Variants in CNBD1 observed in about 807,000 individuals in gnomAD.
CNBD1 encodes cyclic nucleotide binding domain containing 1.
In CNBD1, 71 loss-of-function variants were observed where a neutral mutation model predicts 54.4. That is an observed-to-expected ratio of 1.30 (90% CI 1.08 to 1.59). The LOEUF is 1.59. Ranked by LOEUF, CNBD1 falls within the 40% of genes most tolerant of loss-of-function variation. The pLI is 0.00. For synonymous variants in CNBD1, 182 were observed against 170.7 expected (o/e 1.07, Z -0.51); for missense variants, 659 against 518.0 (o/e 1.27, Z -2.64).
chr8:87,080,035 A>G (rs920909394), intron 4 of CNBD1, among the ~76,000 whole-genome samples: 2 of 152,126 alleles, frequency 1.3e-5, no homozygotes, highest in Middle Eastern at 3.2e-3. Flanking sequence ...ATTGATATTC[A>G]TTAGTTCCAA....
At chr8:87,378,871 T>A (rs1157928222) in intron 10 of CNBD1, among the ~76,000 whole-genome samples, 2 of 149,600 alleles carry the variant, frequency 1.3e-5, no homozygotes. Flanking sequence ...GTCCTTCATA[T>A]CCCTTGTAAG....
chr8:86,887,700 T>A, intron 2 of CNBD1, 89 bp downstream of exon 2: 1 of 916,532 alleles, frequency 1.1e-6, no homozygotes, highest in South Asian at 1.7e-5. Context: ...AAACCATTGC[T>A]GGCTCTCAGA....
intron 1 of CNBD1, among the ~76,000 whole-genome samples, chr8:86,873,417 T>TA (rs1808470206): frequency 6.6e-6 from 1 of 151,868 alleles, no homozygotes; most frequent in Non-Finnish European, 1.5e-5. Flanking sequence ...CTGTTTTTTT[T>TA]AAAAAAGGAT....
intron 2 of CNBD1, among the ~76,000 whole-genome samples, chr8:87,398,922 A>G (rs564034578): frequency 3.9e-4 from 60 of 152,188 alleles, no homozygotes; most frequent in African/African-American, 1.3e-3. Context: ...TCCTGTGAAG[A>G]AAATTATCCC....
chr8:87,401,960 G>A, intron 2 of CNBD1, among the ~76,000 whole-genome samples: 1 of 151,910 alleles, frequency 6.6e-6, no homozygotes, highest in Non-Finnish European at 1.5e-5. Context: ...TTCAAGGAAG[G>A]TGTATTAGTT....
At chr8:86,972,014 A>G (rs540339663) in intron 4 of CNBD1, among the ~76,000 whole-genome samples, 290 of 151,870 alleles carry the variant, frequency 1.9e-3, no homozygotes, top group African/African-American at 6.7e-3. Context: ...GTGCAGTGGC[A>G]TGATCTCGGC....
intron 2 of CNBD1, among the ~76,000 whole-genome samples, chr8:87,422,246 T>A (rs1174163719): frequency 0.011 from 1,575 of 145,518 alleles, 32 homozygotes; most frequent in African/African-American, 0.038. Flanking sequence ...CTGATGGTAG[T>A]TTCTTTTGCT....
intron 9 of CNBD1, among the ~76,000 whole-genome samples, chr8:87,352,416 G>A (rs1237837782): frequency 2.1e-5 from 3 of 144,884 alleles, no homozygotes; most frequent in Non-Finnish European, 3.0e-5. Flanking sequence ...GAAGGCGGAG[G>A]TTGCAGTGAG....
intron 4 of CNBD1, among the ~76,000 whole-genome samples, chr8:87,119,484 A>T (rs1292033081): frequency 6.6e-6 from 1 of 151,960 alleles, no homozygotes; most frequent in African/African-American, 2.4e-5. Flanking sequence ...TTTTTGGTGG[A>T]GTCTTTGGAT....
rs186557266 is a variant in CNBD1 at position 86,903,789 on chromosome 8, C to A, written c.159-1292C>A. Among the ~76,000 whole-genome samples, 6 of 151,452 alleles carry A rather than the reference C, an allele frequency of 4.0e-5. No individual in the cohort carries two copies. The East Asian group carries it at 1.2e-3, about 29-fold the overall frequency. On this transcript the variant is annotated intron_variant, in intron 2 of 10. Coordinates refer to ENST00000518476, the MANE Select transcript of CNBD1 (RefSeq NM_173538.3). ...TGTAAAAGATCTTAGTACAATGATT[C>A]GAATATAACAAGTATCCAGTGAAAA... is the stretch of plus-strand genomic sequence containing the variant.
chr8:87,356,526 T>C (rs1810423537), intron 10 of CNBD1, among the ~76,000 whole-genome samples: 1 of 152,150 alleles, frequency 6.6e-6, no homozygotes, highest in Non-Finnish European at 1.5e-5. Flanking sequence ...AGTGGTGACC[T>C]AGGGTATCTG....
At chr8:87,338,493 G>C (rs1048927180) in intron 8 of CNBD1, among the ~76,000 whole-genome samples, 1 of 151,412 alleles carries the variant, frequency 6.6e-6, no homozygotes. Context: ...GTTTTGTTTT[G>C]TTTTTCAACA....
intron 4 of CNBD1, among the ~76,000 whole-genome samples, chr8:87,064,426 T>C (rs1050338896): frequency 9.2e-5 from 14 of 152,002 alleles, no homozygotes; most frequent in Admixed American, 9.2e-4. Context: ...GAATTGATAC[T>C]TTTATTTTCT....
intron 8 of CNBD1, among the ~76,000 whole-genome samples, chr8:87,322,484 A>T (rs1273063947): frequency 2.5e-5 from 3 of 121,876 alleles, no homozygotes; most frequent in African/African-American, 9.2e-5. Context: ...TGACTTTTTA[A>T]TGATTGCCAT....
At chr8:87,099,202 G>A (rs1811381976) in intron 4 of CNBD1, among the ~76,000 whole-genome samples, 1 of 151,992 alleles carries the variant, frequency 6.6e-6, no homozygotes, top group African/African-American at 2.4e-5. Context: ...ATGGAGAAAG[G>A]CTAGGGGTTT....
At chr8:87,212,382 T>G (rs1166108103) in intron 5 of CNBD1, among the ~76,000 whole-genome samples, 1 of 152,080 alleles carries the variant, frequency 6.6e-6, no homozygotes, top group African/African-American at 2.4e-5. Context: ...ATATAGAAAT[T>G]TAGGAGATGC....
chr8:87,010,807 T>C (rs1435002497), intron 4 of CNBD1, among the ~76,000 whole-genome samples: 1 of 152,214 alleles, frequency 6.6e-6, no homozygotes, highest in African/African-American at 2.4e-5. Context: ...ACTTGTTTTC[T>C]TGAACACTGA....
At chr8:86,867,463 T>G (rs1039112245) in intron 1 of CNBD1, among the ~76,000 whole-genome samples, 1 of 152,178 alleles carries the variant, frequency 6.6e-6, no homozygotes, top group Non-Finnish European at 1.5e-5. Flanking sequence ...AAATACATTT[T>G]AAAAAATTAA....
At chr8:87,420,951 C>A (rs1807923048) in intron 2 of CNBD1, among the ~76,000 whole-genome samples, 2 of 151,916 alleles carry the variant, frequency 1.3e-5, no homozygotes, top group Admixed American at 1.3e-4. Context: ...TTGAATTAAA[C>A]TGATGACTGT....
Sources: gnomAD v4.1 joint callset for allele counts (sites outside exome capture counted in the v4.1 genomes callset) on GRCh38, gnomAD v4.1.1 for gene constraint, MANE v1.5 for transcripts, NCBI Gene and HGNC (gene_info 2026-07-23, HGNC 2026-07-21) for gene names.